Variants in ADGRL3 observed in about 807,000 individuals in gnomAD.
ADGRL3 encodes calcium-independent alpha-latrotoxin receptor 3.
ADGRL3 carries 62 observed loss-of-function variants against 153.5 expected under a neutral mutation model. The ratio of observed to expected loss-of-function variants is 0.40; its 90% CI spans 0.33 to 0.50. The LOEUF (loss-of-function observed/expected upper bound fraction) is 0.50, where lower values mean the gene tolerates loss of function less well. Ranked by LOEUF, ADGRL3 falls within the 20% of genes least tolerant of loss-of-function variation. The pLI, the probability that ADGRL3 is intolerant of heterozygous loss-of-function variation, is 0.47. For missense variants in ADGRL3, 1,641 were observed against 1,859.4 expected (o/e 0.88, Z 2.16); for synonymous variants, 710 against 672.5 (o/e 1.06, Z -0.86).
At chr4:61,659,435 T>C (rs2094530292) in intron 5 of ADGRL3, among the ~76,000 whole-genome samples, 1 of 152,180 alleles carries the variant, frequency 6.6e-6, no homozygotes, top group South Asian at 2.1e-4. Flanking sequence ...GCATGTCCCA[T>C]GTCTAATTTG....
chr4:61,985,987 G>T (rs1334636285), intron 19 of ADGRL3, among the ~76,000 whole-genome samples: 2 of 149,150 alleles, frequency 1.3e-5, no homozygotes, highest in Admixed American at 1.3e-4. Context: ...GTTGATATAG[G>T]TTTGTTTTTT....
intron 1 of ADGRL3, among the ~76,000 whole-genome samples, chr4:61,246,070 T>C (rs1161361654): frequency 6.6e-6 from 1 of 152,114 alleles, no homozygotes; most frequent in African/African-American, 2.4e-5. Flanking sequence ...TTCTACTGTC[T>C]GTTGTCTCCT....
intron 2 of ADGRL3, among the ~76,000 whole-genome samples, chr4:61,479,610 C>G (rs2098110343): frequency 6.6e-6 from 1 of 151,876 alleles, no homozygotes; most frequent in African/African-American, 2.4e-5. Flanking sequence ...TTTGCAGAGC[C>G]CAGCGCTGAA....
At position 61,382,869 on chromosome 4, in the gene ADGRL3, G is replaced by T. The variant is rs186878739; in HGVS notation, c.-239-255G>T. On this transcript the variant is annotated intron_variant, in intron 1 of 26. Coordinates refer to ENST00000683033, the MANE Select transcript of ADGRL3 (RefSeq NM_001387552.1). ...TGTTATAGTCTTTTAATTAGGAAAAGAAATCTGTAGCTACCAAATCCATCA... is the reference window on the plus strand; with the variant it reads ...TGTTATAGTCTTTTAATTAGGAAAATAAATCTGTAGCTACCAAATCCATCA... 4.3e-4 allele frequency among the ~76,000 whole-genome samples: 66 copies of T among 151,860 alleles called. 2 individuals carry two copies. Among genetic ancestry groups the T allele is most frequent in the African/African-American group, 1.6e-3 (65 of 41,496 alleles).
intron 8 of ADGRL3, among the ~76,000 whole-genome samples, chr4:61,741,898 A>C (rs77359511): frequency 6.6e-6 from 1 of 152,222 alleles, no homozygotes; most frequent in African/African-American, 2.4e-5. Flanking sequence ...ATTGTTAGAC[A>C]TGAAATCAAA....
chr4:61,439,019 G>T lies in ADGRL3; in HGVS notation c.-174+55830G>T, dbSNP rs140533768. Among the ~76,000 whole-genome samples, 113 of 151,960 alleles carry T rather than the reference G, an allele frequency of 7.4e-4. No individual in the cohort carries two copies. In the East Asian group the frequency reaches 0.021, roughly 28 times the overall value. The stretch of plus-strand genomic sequence containing the variant: ...GGGACCTAACGATAATATGTTACTT[G>T]TACTCACTGGGTGGTAAGTTGAAGG... On this transcript the variant is annotated intron_variant, in intron 2 of 26. Coordinates refer to ENST00000683033, the MANE Select transcript of ADGRL3 (RefSeq NM_001387552.1).
chr4:61,350,122 G>A (rs1365717689), intron 1 of ADGRL3, among the ~76,000 whole-genome samples: 2 of 152,090 alleles, frequency 1.3e-5, no homozygotes, highest in East Asian at 3.9e-4. Context: ...TAGATTGAAA[G>A]CAGAGAAACA....
At chr4:61,742,291 T>G (rs2096590723) in intron 8 of ADGRL3, among the ~76,000 whole-genome samples, 1 of 152,216 alleles carries the variant, frequency 6.6e-6, no homozygotes, top group Non-Finnish European at 1.5e-5. Flanking sequence ...ATTATTATTA[T>G]TTTTTGAGAT....
intron 2 of ADGRL3, among the ~76,000 whole-genome samples, chr4:61,479,964 A>G (rs2098114730): frequency 1.3e-5 from 2 of 152,174 alleles, no homozygotes; most frequent in Admixed American, 1.3e-4. Context: ...TGAAATTATT[A>G]TCACAATCAA....
At chr4:61,234,322 T>G (rs1298685821) in intron 1 of ADGRL3, among the ~76,000 whole-genome samples, 1 of 152,126 alleles carries the variant, frequency 6.6e-6, no homozygotes, top group Non-Finnish European at 1.5e-5. Flanking sequence ...AAACACCTGA[T>G]AAACCCATCC....
chr4:61,818,822 T>C (rs2097718028), intron 9 of ADGRL3, among the ~76,000 whole-genome samples: 1 of 152,162 alleles, frequency 6.6e-6, no homozygotes, highest in Admixed American at 6.5e-5. Flanking sequence ...GATTAATTGT[T>C]CAATCCAATT....
chr4:61,477,646 G>A (rs962459760), intron 2 of ADGRL3, among the ~76,000 whole-genome samples: 1 of 152,096 alleles, frequency 6.6e-6, no homozygotes, highest in Non-Finnish European at 1.5e-5. Flanking sequence ...GACATAGAAA[G>A]CTAATATTAT....
chr4:61,772,116 G>A (rs557429178), intron 8 of ADGRL3, among the ~76,000 whole-genome samples: 1 of 152,284 alleles, frequency 6.6e-6, no homozygotes, highest in East Asian at 1.9e-4. Context: ...TGTCCTGGGA[G>A]GAAAAGGATC....
chr4:61,643,877 C>G (rs1301701530), intron 5 of ADGRL3, among the ~76,000 whole-genome samples: 2 of 148,116 alleles, frequency 1.4e-5, no homozygotes, highest in African/African-American at 2.5e-5. Context: ...CCAGTTCCTC[C>G]TTTTACCTCT....
intron 17 of ADGRL3, among the ~76,000 whole-genome samples, chr4:61,953,840 C>T (rs1050559751): frequency 2.0e-5 from 3 of 152,250 alleles, no homozygotes; most frequent in East Asian, 3.9e-4. Context: ...CTGGGTTGGC[C>T]GCATTCTTGC....
chr4:62,039,691 AT>A (rs1727094834), intron 24 of ADGRL3, among the ~76,000 whole-genome samples: 1 of 152,114 alleles, frequency 6.6e-6, no homozygotes, highest in African/African-American at 2.4e-5. Context: ...GACCAGGATG[AT>A]GCTTATAGCA....
rs530428346 is a variant in ADGRL3 at position 61,795,881 on chromosome 4, C to T, written c.1400-17928C>T. On this transcript the variant is annotated intron_variant, in intron 8 of 26. Coordinates refer to ENST00000683033, the MANE Select transcript of ADGRL3 (RefSeq NM_001387552.1). ...TTCTGGAGACAGAGTCTAGCTCTGT[C>T]GCCCAGGTTGGAGTGCAGTGGCACG... Among the ~76,000 whole-genome samples, 38 of 152,178 alleles carry T rather than the reference C, an allele frequency of 2.5e-4. No homozygotes were observed. The East Asian group carries it at 5.2e-3, about 21-fold the overall frequency.
intron 6 of ADGRL3, among the ~76,000 whole-genome samples, chr4:61,680,165 G>T (rs2095302919): frequency 6.6e-6 from 1 of 151,788 alleles, no homozygotes; most frequent in South Asian, 2.1e-4. Context: ...CTTGATAAAA[G>T]ATCACTATTT....
chr4:61,339,939 G>T (rs2095769818), intron 1 of ADGRL3, among the ~76,000 whole-genome samples: 1 of 152,174 alleles, frequency 6.6e-6, no homozygotes, highest in Non-Finnish European at 1.5e-5. Flanking sequence ...GCAGAGAGAA[G>T]CAGTCAGGTT....
Sources: gnomAD v4.1 joint callset for allele counts (sites outside exome capture counted in the v4.1 genomes callset) on GRCh38, gnomAD v4.1.1 for gene constraint, MANE v1.5 for transcripts, NCBI Gene and HGNC (gene_info 2026-07-23, HGNC 2026-07-21) for gene names.